The following ANKRD36 variants were observed in gnomAD, a reference collection of about 807,000 sequenced individuals.
ANKRD36 encodes the protein ankyrin repeat domain-containing protein 36A.
Under a neutral mutation model 278.1 loss-of-function variants are expected in ANKRD36, and 179 were observed. The observed-to-expected ratio is 0.64, with a 90% CI of 0.57 to 0.73. ANKRD36 has a LOEUF of 0.73. ANKRD36 is among the 30% of genes least tolerant of loss of function. ANKRD36 has a pLI of 0.00. For synonymous variants in ANKRD36, 320 were observed against 641.1 expected (o/e 0.50, Z 7.57); for missense variants, 1,159 against 1,956.7 (o/e 0.59, Z 7.69).
intron 67 of ANKRD36, among the ~76,000 whole-genome samples, chr2:97,228,039 CA>C (rs2070504132): frequency 6.6e-6 from 1 of 152,040 alleles, no homozygotes; most frequent in African/African-American, 2.4e-5. Flanking sequence ...TTGGTTTGCC[CA>C]TATTTTATCG....
intron 6 of ANKRD36, among the ~76,000 whole-genome samples, 161 bp from the exon 7 acceptor site, chr2:97,142,479 G>A (rs902691251): frequency 9.2e-5 from 14 of 152,264 alleles, no homozygotes; most frequent in Non-Finnish European, 1.9e-4. Flanking sequence ...TTTCTTCAGT[G>A]TATTTCTGTC....
chr2:97,137,856 A>G (rs2041934841), intron 6 of ANKRD36, among the ~76,000 whole-genome samples: 3 of 152,128 alleles, frequency 2.0e-5, no homozygotes, highest in Non-Finnish European at 4.4e-5. Context: ...TCTAATGATC[A>G]GTGATGATGA....
chr2:97,214,878 A>G (rs1284116890), intron 60 of ANKRD36, among the ~76,000 whole-genome samples: 1 of 151,360 alleles, frequency 6.6e-6, no homozygotes, highest in African/African-American at 2.4e-5. Flanking sequence ...GTTAAAGAGC[A>G]TGTTGAATGT....
intron 42 of ANKRD36, among the ~76,000 whole-genome samples, chr2:97,197,883 G>A (rs1396727496): frequency 6.6e-6 from 1 of 151,858 alleles, no homozygotes; most frequent in African/African-American, 2.4e-5. Flanking sequence ...CTCCATATCG[G>A]GGTGAGAGAT....
intron 28 of ANKRD36, among the ~76,000 whole-genome samples, chr2:97,184,382 G>A (rs2056940661): frequency 6.6e-6 from 1 of 151,542 alleles, no homozygotes; most frequent in Non-Finnish European, 1.5e-5. Context: ...AATTTAATAC[G>A]ATTATATTAG....
chr2:97,124,861 A>T (rs1304334351), intron 5 of ANKRD36, among the ~76,000 whole-genome samples: 1 of 151,930 alleles, frequency 6.6e-6, no homozygotes, highest in Non-Finnish European at 1.5e-5. Flanking sequence ...CTCCTTAGGG[A>T]TTCCAATGTT....
At chr2:97,131,786 A>G (rs1263436755) in intron 6 of ANKRD36, among the ~76,000 whole-genome samples, 1 of 151,992 alleles carries the variant, frequency 6.6e-6, no homozygotes, top group Non-Finnish European at 1.5e-5. Context: ...TATAATTATC[A>G]CAATGACCTG....
intron 75 of ANKRD36, among the ~76,000 whole-genome samples, chr2:97,260,915 A>G (rs1323395794): frequency 1.5e-4 from 19 of 125,052 alleles, no homozygotes; most frequent in African/African-American, 6.4e-4. Flanking sequence ...AACCTCTGCT[A>G]GCTTTAAACT....
chr2:97,146,029 C>T (rs1261272452), intron 10 of ANKRD36, among the ~76,000 whole-genome samples: 5 of 152,168 alleles, frequency 3.3e-5, no homozygotes, highest in Non-Finnish European at 7.4e-5. Flanking sequence ...GAAAGATATG[C>T]GTGAACCTGG....
At chr2:97,182,108 T>A (rs1436683484) in intron 26 of ANKRD36, among the ~76,000 whole-genome samples, 1 of 151,264 alleles carries the variant, frequency 6.6e-6, no homozygotes, top group Admixed American at 6.6e-5. Flanking sequence ...GAGAAAGAGA[T>A]GAAGTATAGA....
chr2:97,116,272 C>G (rs1275700969), intron 1 of ANKRD36, among the ~76,000 whole-genome samples: 2 of 151,834 alleles, frequency 1.3e-5, no homozygotes, highest in Non-Finnish European at 2.9e-5. Context: ...TTATTTATGT[C>G]TTTGTTTGTT....
intron 52 of ANKRD36, among the ~76,000 whole-genome samples, chr2:97,206,841 A>C (rs2062992192): frequency 6.6e-6 from 1 of 151,542 alleles, no homozygotes; most frequent in African/African-American, 2.4e-5. Flanking sequence ...TTTTAGGTAT[A>C]GAAATCAGAC....
At chr2:97,200,300 A>G in intron 44 of ANKRD36, 34 bp from the exon 45 acceptor site, 7 of 1,607,224 alleles carry the variant, frequency 4.4e-6, no homozygotes, top group Non-Finnish European at 5.9e-6. Context: ...TCATGTTTAC[A>G]TGTGAGTGAT....
intron 36 of ANKRD36, among the ~76,000 whole-genome samples, chr2:97,191,697 C>G (rs1388243575): frequency 6.6e-6 from 1 of 151,500 alleles, no homozygotes; most frequent in Non-Finnish European, 1.5e-5. Flanking sequence ...TGGGGTTTTT[C>G]CTGAGGAAAC....
intron 6 of ANKRD36, among the ~76,000 whole-genome samples, chr2:97,136,107 C>G (rs1160461330): frequency 6.6e-6 from 1 of 150,728 alleles, no homozygotes; most frequent in East Asian, 2.0e-4. Flanking sequence ...CACCCCTCAC[C>G]TCCTGGGATG....
chr2:97,235,659 T>TA (rs1266843982), intron 68 of ANKRD36, among the ~76,000 whole-genome samples: 1 of 118,914 alleles, frequency 8.4e-6, no homozygotes, highest in Non-Finnish European at 1.6e-5. Context: ...AAGTATTATT[T>TA]AAAATTACCT....
Position 97,181,143 on chromosome 2 carries a change from C to T in ANKRD36, c.1736-455C>T, listed in dbSNP as rs940407620. Among the ~76,000 whole-genome samples the T allele has an allele frequency of 5.9e-5, 9 of 151,580 alleles. 1 individual carries two copies. The highest frequency in any genetic ancestry group is 1.0e-4 in the Non-Finnish European group (7 of 67,812). Reference sequence around the variant, plus strand: ...AGAGAACATTTAACTGAATTGTCATCGTAATTGTGTACCTCCTAGTTATTG... The same window carrying T: ...AGAGAACATTTAACTGAATTGTCATTGTAATTGTGTACCTCCTAGTTATTG... On this transcript the variant is annotated intron_variant, in intron 24 of 75. Coordinates refer to ENST00000420699, the MANE Select transcript of ANKRD36 (RefSeq NM_001354587.1).
intron 22 of ANKRD36, among the ~76,000 whole-genome samples, chr2:97,173,633 A>G (rs2053346392): frequency 1.3e-5 from 2 of 151,842 alleles, no homozygotes; most frequent in Admixed American, 6.6e-5. Flanking sequence ...AAGTCCACCA[A>G]TATGGATGTT....
At chr2:97,200,732 C>T (rs536991949) in intron 46 of ANKRD36, among the ~76,000 whole-genome samples, 282 of 151,890 alleles carry the variant, frequency 1.9e-3, no homozygotes, top group South Asian at 4.2e-3. Context: ...CCCCACATTA[C>T]AATTGGGAGG....
Sources: gnomAD v4.1 joint callset for allele counts (sites outside exome capture counted in the v4.1 genomes callset) on GRCh38, gnomAD v4.1.1 for gene constraint, MANE v1.5 for transcripts, NCBI Gene and HGNC (gene_info 2026-07-23, HGNC 2026-07-21) for gene names.